The following SNX29 variants were observed in gnomAD, a reference collection of about 807,000 sequenced individuals.
SNX29 encodes the protein sorting nexin-29.
In SNX29, 78 loss-of-function variants were observed where a neutral mutation model predicts 102.1. The observed-to-expected ratio is 0.76, with a 90% CI of 0.64 to 0.92. The LOEUF (loss-of-function observed/expected upper bound fraction) is 0.92. Among genes scored for constraint, SNX29 ranks in the 40% least tolerant of loss-of-function variants. The probability of loss-of-function intolerance (pLI) is 0.00; values close to 1 mark genes in which losing one functional copy is unlikely to be tolerated. For synonymous variants in SNX29, 580 were observed against 414.5 expected (o/e 1.40, Z -4.85); for missense variants, 1,280 against 1,061.7 (o/e 1.21, Z -2.86).
At chr16:12,532,846 C>G (rs142345808) in intron 20 of SNX29, among the ~76,000 whole-genome samples, 5 of 152,342 alleles carry the variant, frequency 3.3e-5, no homozygotes, top group Middle Eastern at 3.4e-3. Context: ...GAGCCAGTGT[C>G]TCCCAGAGAA....
chr16:12,194,980 A>G (rs908507616), intron 13 of SNX29, among the ~76,000 whole-genome samples: 5 of 152,208 alleles, frequency 3.3e-5, no homozygotes, highest in African/African-American at 9.6e-5. Flanking sequence ...AGTAAAGTGC[A>G]TTGTTGAAAA....
intron 20 of SNX29, among the ~76,000 whole-genome samples, chr16:12,556,121 T>C (rs79320076): frequency 0.015 from 2,326 of 152,314 alleles, 54 homozygotes; most frequent in African/African-American, 0.052. Flanking sequence ...TTATTACTCT[T>C]ATGTTCTCAA....
chr16:12,556,443 C>G (rs530017953), intron 20 of SNX29: 2 of 152,340 alleles, frequency 1.3e-5, no homozygotes, highest in African/African-American at 2.4e-5. Flanking sequence ...TGAAGAAACT[C>G]CAAGGAACTC....
chr16:11,982,595 A>G (rs1412096556), intron 1 of SNX29, among the ~76,000 whole-genome samples: 1 of 151,816 alleles, frequency 6.6e-6, no homozygotes, highest in Non-Finnish European at 1.5e-5. Flanking sequence ...ACGCCCAGCT[A>G]ATTTTTTGTA....
At position 12,554,746 on chromosome 16, in the gene SNX29, A is replaced by G. The variant is rs192637366; in HGVS notation, c.2319-13760A>G. 7.4e-4 allele frequency among the ~76,000 whole-genome samples: 112 copies of G among 152,020 alleles called. 1 individual carries two copies. Among genetic ancestry groups the G allele is most frequent in the African/African-American group, 2.7e-3 (111 of 41,456 alleles). On this transcript the variant is annotated intron_variant, in intron 20 of 20. Coordinates refer to ENST00000566228, the MANE Select transcript of SNX29 (RefSeq NM_032167.5). ...CAGTCTTTCAGTTTGCATTTTCCTT[A>G]AGTGTATTAGAACGTGCTCTCTCCC...
chr16:12,308,053 A>G (rs1052696947), intron 15 of SNX29, among the ~76,000 whole-genome samples: 20 of 152,352 alleles, frequency 1.3e-4, no homozygotes, highest in African/African-American at 4.3e-4. Context: ...AGATGCACAG[A>G]CAGGGTCTAC....
At chr16:12,236,143 C>A (rs888756968) in intron 14 of SNX29, among the ~76,000 whole-genome samples, 1 of 152,088 alleles carries the variant, frequency 6.6e-6, no homozygotes, top group African/African-American at 2.4e-5. Context: ...ATCTGTTTTC[C>A]CACATCAATC....
intron 16 of SNX29, among the ~76,000 whole-genome samples, chr16:12,396,536 G>C (rs1287240282): frequency 6.6e-6 from 1 of 152,180 alleles, no homozygotes; most frequent in African/African-American, 2.4e-5. Context: ...AGTGCTGAGT[G>C]GGAAACCCAG....
chr16:11,976,736 C>T lies in SNX29; in HGVS notation c.-71C>T. ...GCGGGGCTCCTGTCTCCCGGCCTGT[C>T]TGGAGCTCGGCAGCCGCAGAAGCGG... On this transcript the variant is annotated 5_prime_UTR_variant, in exon 1 of 21. Transcript: ENST00000566228. 8.4e-7 allele frequency: 1 copy of T among 1,187,890 alleles called. No homozygotes were observed. Among genetic ancestry groups the T allele is most frequent in the Non-Finnish European group, 1.1e-6 (1 of 926,006 alleles). The allele number at this position is 1,187,890 out of a possible 1,614,324, so 73.6% of individuals were successfully genotyped here.
chr16:12,538,209 G>A (rs78750252), intron 20 of SNX29, among the ~76,000 whole-genome samples: 2 of 152,104 alleles, frequency 1.3e-5, no homozygotes, highest in African/African-American at 2.4e-5. Context: ...TCTGTGTTCT[G>A]GGTTCATGCC....
chr16:12,570,050 G>T lies in SNX29; in HGVS notation c.*1421G>T. The stretch of plus-strand genomic sequence containing the variant: ...GCATGGAGCATCTCCTAGGCTCGAG[G>T]ACATCTCTGGAGAATCATCTGGAAG... On this transcript the variant is annotated 3_prime_UTR_variant, in exon 21 of 21. Coordinates refer to ENST00000566228, the MANE Select transcript of SNX29 (RefSeq NM_032167.5). 1 of 518,636 alleles carries T rather than the reference G, an allele frequency of 1.9e-6. No homozygotes were observed. The highest frequency in any genetic ancestry group is 2.6e-6 in the Non-Finnish European group (1 of 380,052). The allele number at this position is 518,636 out of a possible 1,614,324, so 32.1% of individuals were successfully genotyped here.
At chr16:12,435,833 C>T (rs2085509031) in intron 18 of SNX29, among the ~76,000 whole-genome samples, 1 of 152,110 alleles carries the variant, frequency 6.6e-6, no homozygotes, top group East Asian at 1.9e-4. Flanking sequence ...GGGCCTTGGG[C>T]AGGTTGAAAT....
At chr16:12,544,338 G>A (rs2077486149) in intron 20 of SNX29, among the ~76,000 whole-genome samples, 1 of 152,160 alleles carries the variant, frequency 6.6e-6, no homozygotes. Flanking sequence ...GGCAGGAAAA[G>A]TCAGTACTGT....
intron 19 of SNX29, among the ~76,000 whole-genome samples, chr16:12,478,882 A>C (rs780811622): frequency 6.6e-6 from 1 of 152,176 alleles, no homozygotes; most frequent in Non-Finnish European, 1.5e-5. Context: ...AAACTGGAGA[A>C]TCTTTGGCTT....
intron 19 of SNX29, among the ~76,000 whole-genome samples, chr16:12,483,215 G>T (rs1425209901): frequency 1.4e-5 from 2 of 140,628 alleles, no homozygotes; most frequent in African/African-American, 5.4e-5. Context: ...CACCATGTTG[G>T]CCAGGCTGGT....
At position 12,096,883 on chromosome 16, in the gene SNX29, C is replaced by T. The variant is rs544120466; in HGVS notation, c.1402+17968C>T. Among the ~76,000 whole-genome samples, 4 of 152,228 alleles carry T rather than the reference C, an allele frequency of 2.6e-5. No homozygotes were observed. The highest frequency in any genetic ancestry group is 2.6e-4 in the Admixed American group (4 of 15,286). On this transcript the variant is annotated intron_variant, in intron 11 of 20. Coordinates refer to ENST00000566228, the MANE Select transcript of SNX29 (RefSeq NM_032167.5). The surrounding 1 kb of genome is among the most constrained non-coding windows in gnomAD (Gnocchi z 4.2). ...GAGGGGAAGGAGGAACCGATGACAG[C>T]AGGATGAATGTAGCAAGGATAGGGT...
At chr16:12,539,324 C>G (rs985740180) in intron 20 of SNX29, among the ~76,000 whole-genome samples, 3 of 151,738 alleles carry the variant, frequency 2.0e-5, no homozygotes, top group Admixed American at 6.6e-5. Flanking sequence ...CTAGTTTTGT[C>G]TTTTCAAGAA....
intron 13 of SNX29, among the ~76,000 whole-genome samples, chr16:12,177,814 C>A (rs1371043168): frequency 6.6e-6 from 1 of 152,082 alleles, no homozygotes; most frequent in Non-Finnish European, 1.5e-5. Context: ...CTGCTGTGGG[C>A]GGGGTGCTGG....
intron 15 of SNX29, among the ~76,000 whole-genome samples, chr16:12,352,933 C>T (rs555718958): frequency 6.6e-6 from 1 of 152,308 alleles, no homozygotes; most frequent in East Asian, 1.9e-4. Flanking sequence ...GACTCTCAAA[C>T]TGATGATGTC....
Sources: gnomAD v4.1 joint callset for allele counts (sites outside exome capture counted in the v4.1 genomes callset) on GRCh38, gnomAD v4.1.1 for gene constraint, Gnocchi (gnomAD v3.1) non-coding constraint, MANE v1.5 for transcripts, NCBI Gene and HGNC (gene_info 2026-07-23, HGNC 2026-07-21) for gene names.